Variants in PDYN observed in about 807,000 individuals in gnomAD.
PDYN encodes proenkephalin-B.
PDYN carries 5 observed loss-of-function variants against 11.4 expected under a neutral mutation model. The ratio of observed to expected loss-of-function variants is 0.44; its 90% CI spans 0.23 to 0.92. The LOEUF is 0.92. Ranked by LOEUF, PDYN falls within the 40% of genes least tolerant of loss-of-function variation. The pLI, the probability that PDYN is intolerant of heterozygous loss-of-function variation, is 0.24. For missense variants in PDYN, 337 were observed against 317.3 expected (o/e 1.06, Z -0.47); for synonymous variants, 132 against 129.5 (o/e 1.02, Z -0.13).
At position 1,980,370 on chromosome 20, in the gene PDYN, A is replaced by T. The variant is rs1222472109; in HGVS notation, c.718T>A (p.Ser240Thr). Residue 240 changes from serine (S) to threonine (T), a missense_variant, in exon 4 of 4, where the codon TCT (serine) becomes ACT (threonine). Ser to Thr is a moderately conservative substitution (Grantham distance 58). Coordinates refer to ENST00000217305, the MANE Select transcript of PDYN (RefSeq NM_024411.5). ...GAGTAAGCATTCGGATCTTCCTGAG[A>T]CCGAGTCACCACCTTGAACTGGCGC... ...LRRQFKVVTRSQEDPNAYSGE... is the reference protein window; with the variant it reads ...LRRQFKVVTRTQEDPNAYSGE... The T allele has an allele frequency of 6.2e-7, 1 of 1,614,110 alleles. No individual in the cohort carries two copies. The highest frequency in any genetic ancestry group is 1.1e-5 in the South Asian group (1 of 91,080).
At chr20:1,989,316 C>A (rs1169084160) in intron 2 of PDYN, among the ~76,000 whole-genome samples, 2 of 152,020 alleles carry the variant, frequency 1.3e-5, no homozygotes, top group African/African-American at 2.4e-5. Flanking sequence ...ACTGAGAGGA[C>A]CTGGGGAGGC....
chr20:1,981,435 G>A (rs1269270338), intron 3 of PDYN, among the ~76,000 whole-genome samples: 1 of 152,128 alleles, frequency 6.6e-6, no homozygotes. Context: ...CTGGGGTGGG[G>A]GGCAATGGCA....
chr20:1,991,740 C>T (rs1035654584), intron 2 of PDYN, among the ~76,000 whole-genome samples: 3 of 152,162 alleles, frequency 2.0e-5, no homozygotes, highest in African/African-American at 7.2e-5. Flanking sequence ...ATCTCTCTTA[C>T]AATGATGGAA....
Position 1,980,773 on chromosome 20 carries a change from C to T in PDYN, c.315G>A (p.Glu105=). Residue 105 remains glutamate, a synonymous_variant, in exon 4 of 4, where the codon GAG becomes GAA. Transcript: ENST00000217305. ...LAKLSGSFLK[E]LEKSKFLPSI... ...TTGGGAGAAACTTGCTTTTCTCCAGCTCCTTCAGGAATGACCCAGAGAGCT... is the reference window on the plus strand; with the variant it reads ...TTGGGAGAAACTTGCTTTTCTCCAGTTCCTTCAGGAATGACCCAGAGAGCT... 2 of 1,614,194 alleles carry T rather than the reference C, an allele frequency of 1.2e-6. No individual in the cohort carries two copies. The highest frequency in any genetic ancestry group is 2.7e-5 in the African/African-American group (2 of 75,044).
At chr20:1,989,201 G>T (rs1988325313) in intron 2 of PDYN, among the ~76,000 whole-genome samples, 1 of 152,170 alleles carries the variant, frequency 6.6e-6, no homozygotes, top group Non-Finnish European at 1.5e-5. Flanking sequence ...TGGATCTCTT[G>T]CCAGGAGGTC....
At position 1,980,642 on chromosome 20, in the gene PDYN, G is replaced by A; in HGVS notation, c.446C>T (p.Ala149Val). 1.2e-6 allele frequency: 2 copies of A among 1,614,100 alleles called. No individual in the cohort carries two copies. Among genetic ancestry groups the A allele is most frequent in the Admixed American group, 1.7e-5 (1 of 60,020 alleles). The change falls in exon 4 of 4, where the codon GCC becomes GTC. Residue 149 changes from alanine to valine, a missense_variant. Transcript: ENST00000217305. ...CTCCATGGCACCATCGTTCAGCTGG[G>A]CATCCCTCATCAGCTCAGACTCTGC... Reference protein sequence around the residue: ...EGAESELMRDAQLNDGAMETG... With the variant: ...EGAESELMRDVQLNDGAMETG...
At chr20:1,983,499 G>A (rs150896027) in intron 2 of PDYN, among the ~76,000 whole-genome samples, 16 of 152,314 alleles carry the variant, frequency 1.1e-4, no homozygotes, top group African/African-American at 2.2e-4. Context: ...TTGGCCACCC[G>A]CCAAGCCAGA....
At chr20:1,987,594 A>C (rs764287540) in intron 2 of PDYN, among the ~76,000 whole-genome samples, 2 of 152,170 alleles carry the variant, frequency 1.3e-5, no homozygotes, top group Non-Finnish European at 2.9e-5. Flanking sequence ...GAGAAGCAGC[A>C]TGGGGTGGAA....
At chr20:1,984,201 A>G (rs1988025965) in intron 2 of PDYN, among the ~76,000 whole-genome samples, 1 of 152,150 alleles carries the variant, frequency 6.6e-6, no homozygotes, top group Non-Finnish European at 1.5e-5. Context: ...GCTTGCTCCT[A>G]CCTCAGGGCC....
At chr20:1,981,668 G>A (rs1320920360) in intron 3 of PDYN, among the ~76,000 whole-genome samples, 3 of 152,156 alleles carry the variant, frequency 2.0e-5, no homozygotes, top group Non-Finnish European at 4.4e-5. Context: ...GCTCATGCCT[G>A]TAATCCCAGC....
intron 2 of PDYN, among the ~76,000 whole-genome samples, chr20:1,987,004 T>A (rs1196472003): frequency 1.4e-4 from 21 of 152,176 alleles, no homozygotes. Flanking sequence ...CTATGCTGGC[T>A]CCATCACAAA....
chr20:1,981,056 G>C, intron 3 of PDYN, 98 bp from the exon 4 acceptor site: 2 of 1,322,414 alleles, frequency 1.5e-6, no homozygotes. Context: ...AAACCAAAAT[G>C]AACGCCACTG....
In PDYN at chr20:1,979,164, T is replaced by G. The variant is rs934248578; in HGVS notation, c.*1159A>C. On this transcript the variant is annotated 3_prime_UTR_variant, in exon 4 of 4. Transcript: ENST00000217305. ...AGGGAACTCATTTGGCCTCAAGCAC[T>G]TAATCATTTTATTCCTCTTTCTGGT... 6.6e-6 allele frequency: 1 copy of G among 152,232 alleles called. No homozygotes were observed. The highest frequency in any genetic ancestry group is 6.5e-5 in the Admixed American group (1 of 15,288). 9.4% of individuals were successfully genotyped at this position (152,232 alleles called of 1,614,324 possible). A position where few individuals can be genotyped will look rare whatever the true frequency, so the allele number is the denominator to read the frequency against.
At chr20:1,982,424 C>T (rs568732795) in intron 3 of PDYN, among the ~76,000 whole-genome samples, 10 of 152,238 alleles carry the variant, frequency 6.6e-5, no homozygotes, top group African/African-American at 2.4e-4. Flanking sequence ...TACTTCTATT[C>T]CAGCCTTTCT....
At chr20:1,988,001 T>A (rs1270239524) in intron 2 of PDYN, among the ~76,000 whole-genome samples, 1 of 152,146 alleles carries the variant, frequency 6.6e-6, no homozygotes, top group African/African-American at 2.4e-5. Context: ...AAAATGCTGC[T>A]GCATGACTCA....
chr20:1,981,195 G>T (rs1239077076), intron 3 of PDYN, among the ~76,000 whole-genome samples: 2 of 152,220 alleles, frequency 1.3e-5, no homozygotes, highest in Non-Finnish European at 2.9e-5. Flanking sequence ...ATGGCTGCAG[G>T]TGGCAATTGC....
chr20:1,982,716 C>T (rs966665979), intron 3 of PDYN, among the ~76,000 whole-genome samples: 1 of 152,220 alleles, frequency 6.6e-6, no homozygotes, highest in Non-Finnish European at 1.5e-5. Flanking sequence ...GCATCACTCT[C>T]CCTGGACACC....
At chr20:1,991,214 A>G (rs560017470) in intron 2 of PDYN, among the ~76,000 whole-genome samples, 2 of 152,332 alleles carry the variant, frequency 1.3e-5, no homozygotes, top group South Asian at 4.1e-4. Context: ...CTGCCACATA[A>G]TAACTGCTCA....
At chr20:1,993,579 C>T (rs1215754216) in intron 1 of PDYN, 3 of 152,218 alleles carry the variant, frequency 2.0e-5, no homozygotes, top group African/African-American at 7.2e-5. Flanking sequence ...CAGGGTGTCC[C>T]ATTTTCCCCA....
Sources: gnomAD v4.1 joint callset for allele counts (sites outside exome capture counted in the v4.1 genomes callset) on GRCh38, gnomAD v4.1.1 for gene constraint, MANE v1.5 for transcripts, NCBI Gene and HGNC (gene_info 2026-07-23, HGNC 2026-07-21) for gene names.